The following LRRTM4 variants were observed in gnomAD, a reference collection of about 807,000 sequenced individuals.
LRRTM4 encodes the protein leucine-rich repeat transmembrane neuronal protein 4.
A neutral mutation model predicts 47.6 loss-of-function variants in LRRTM4; 25 were observed. That is an observed-to-expected ratio of 0.53 (90% CI 0.38 to 0.73). The LOEUF is 0.73. Among genes scored for constraint, LRRTM4 ranks in the 30% least tolerant of loss-of-function variants. LRRTM4 has a pLI of 0.00. For synonymous variants in LRRTM4, 311 were observed against 269.5 expected (o/e 1.15, Z -1.51); for missense variants, 638 against 713.4 (o/e 0.89, Z 1.20).
At chr2:77,421,024 A>C (rs1364099828) in intron 3 of LRRTM4, among the ~76,000 whole-genome samples, 1 of 151,504 alleles carries the variant, frequency 6.6e-6, no homozygotes, top group Non-Finnish European at 1.5e-5. Context: ...ATAAAAAATT[A>C]GCTTGAAAGA....
At chr2:76,997,849 A>C (rs2104012773) in intron 3 of LRRTM4, among the ~76,000 whole-genome samples, 4 of 152,024 alleles carry the variant, frequency 2.6e-5, no homozygotes, top group Middle Eastern at 6.8e-3. Flanking sequence ...ACCTCCAATC[A>C]GGTCAGTGGC....
chr2:76,977,172 A>G (rs1676450246), intron 3 of LRRTM4, among the ~76,000 whole-genome samples: 1 of 151,436 alleles, frequency 6.6e-6, no homozygotes, highest in Non-Finnish European at 1.5e-5. Flanking sequence ...ATAAAACTCT[A>G]GATTCTACAT....
intron 3 of LRRTM4, among the ~76,000 whole-genome samples, chr2:77,186,774 A>T (rs1393437076): frequency 6.6e-6 from 1 of 152,108 alleles, no homozygotes; most frequent in Non-Finnish European, 1.5e-5. Context: ...TACTGAGCAA[A>T]TAATAATTGG....
intron 3 of LRRTM4, among the ~76,000 whole-genome samples, chr2:76,995,058 A>G: frequency 6.6e-6 from 1 of 151,998 alleles, no homozygotes; most frequent in East Asian, 1.9e-4. Flanking sequence ...AAGACTTGAG[A>G]TTGGTAGGAG....
chr2:77,110,796 T>G (rs1040718080), intron 3 of LRRTM4, among the ~76,000 whole-genome samples: 1 of 152,230 alleles, frequency 6.6e-6, no homozygotes. Flanking sequence ...ATATACAGTT[T>G]GAATATAATT....
At chr2:77,059,102 T>C (rs536244743) in intron 3 of LRRTM4, among the ~76,000 whole-genome samples, 3 of 152,160 alleles carry the variant, frequency 2.0e-5, no homozygotes, top group African/African-American at 4.8e-5. Flanking sequence ...TGTTATCTGC[T>C]AAACTTGGCA....
chr2:76,982,243 A>G (rs1423865432), intron 3 of LRRTM4, among the ~76,000 whole-genome samples: 1 of 152,016 alleles, frequency 6.6e-6, no homozygotes, highest in Non-Finnish European at 1.5e-5. Context: ...AAAAAGTAAG[A>G]AACCCTCAGC....
intron 3 of LRRTM4, among the ~76,000 whole-genome samples, chr2:77,048,208 C>A (rs570222984): frequency 1.3e-5 from 2 of 151,754 alleles, no homozygotes; most frequent in South Asian, 4.2e-4. Flanking sequence ...ATGATATATA[C>A]GTATGTATGT....
chr2:77,034,093 T>A (rs1284436213), intron 3 of LRRTM4, among the ~76,000 whole-genome samples: 1 of 151,778 alleles, frequency 6.6e-6, no homozygotes, highest in African/African-American at 2.4e-5. Flanking sequence ...AATATTTTAA[T>A]CTTAAAATAG....
chr2:77,094,451 G>GA (rs1158026001), intron 3 of LRRTM4, among the ~76,000 whole-genome samples: 1 of 151,872 alleles, frequency 6.6e-6, no homozygotes, highest in Admixed American at 6.6e-5. Context: ...ATGGAACCAG[G>GA]AAAGACCCCA....
chr2:77,332,982 G>A (rs1002192659), intron 3 of LRRTM4, among the ~76,000 whole-genome samples: 17 of 152,120 alleles, frequency 1.1e-4, no homozygotes, highest in African/African-American at 4.1e-4. Context: ...GGTCTTTCCT[G>A]GGCTGTTCTC....
intron 3 of LRRTM4, among the ~76,000 whole-genome samples, chr2:77,332,226 CAACAGGACTTGGACAATGGGAATTTT>C (rs1270073765): frequency 1.8e-4 from 28 of 152,178 alleles, no homozygotes; most frequent in Middle Eastern, 3.4e-3. Flanking sequence ...CTCTTTCCTC[CAACAGGACTTGGACAATGGGAATTTT>C]TACATAAATA....
At chr2:77,060,732 G>T (rs1679759557) in intron 3 of LRRTM4, among the ~76,000 whole-genome samples, 1 of 151,996 alleles carries the variant, frequency 6.6e-6, no homozygotes, top group Non-Finnish European at 1.5e-5. Flanking sequence ...TTCTTACCTT[G>T]GGTAAGTGCA....
chr2:76,954,524 A>G (rs1280188394), intron 3 of LRRTM4, among the ~76,000 whole-genome samples: 1 of 151,746 alleles, frequency 6.6e-6, no homozygotes, highest in East Asian at 1.9e-4. Context: ...AAAAATGGAA[A>G]AGAGGGATGA....
At chr2:77,151,001 G>C (rs1672403512) in intron 3 of LRRTM4, among the ~76,000 whole-genome samples, 1 of 152,000 alleles carries the variant, frequency 6.6e-6, no homozygotes. Context: ...AGAAATAATT[G>C]GTATACGAAA....
At position 76,994,500 on chromosome 2, in the gene LRRTM4, C is replaced by A. The variant is rs561107233; in HGVS notation, c.1552-245584G>T. ...CTTTGGCTACTGTTGATGCCATGAG[C>A]AATAAAATCCCATGTCTCTGATCCA... On this transcript the variant is annotated intron_variant, in intron 3 of 3. Coordinates refer to ENST00000409884, the MANE Select transcript of LRRTM4 (RefSeq NM_001134745.3). Among the ~76,000 whole-genome samples, 15 of 151,642 alleles carry A rather than the reference C, an allele frequency of 9.9e-5. No homozygotes were observed. The South Asian group carries it at 2.9e-3, about 29-fold the overall frequency.
intron 3 of LRRTM4, among the ~76,000 whole-genome samples, chr2:77,383,647 T>C (rs552288439): frequency 2.0e-5 from 3 of 152,098 alleles, no homozygotes; most frequent in Non-Finnish European, 4.4e-5. Flanking sequence ...ATATGTTGTG[T>C]CATTTAATAC....
chr2:77,412,708 A>T (rs1331122892), intron 3 of LRRTM4, among the ~76,000 whole-genome samples: 1 of 152,208 alleles, frequency 6.6e-6, no homozygotes, highest in Non-Finnish European at 1.5e-5. Context: ...GTCACTAATA[A>T]AACACAATTT....
chr2:77,485,608 A>G (rs1272964752), intron 3 of LRRTM4, among the ~76,000 whole-genome samples: 1 of 152,222 alleles, frequency 6.6e-6, no homozygotes, highest in African/African-American at 2.4e-5. Context: ...AAAAGGAACC[A>G]ATGAGGTTTT....
Sources: gnomAD v4.1 joint callset for allele counts (sites outside exome capture counted in the v4.1 genomes callset) on GRCh38, gnomAD v4.1.1 for gene constraint, MANE v1.5 for transcripts, NCBI Gene and HGNC (gene_info 2026-07-23, HGNC 2026-07-21) for gene names.